PGM2L1: variants seen among roughly 807,000 people sequenced by gnomAD.
PGM2L1 encodes phosphoglucomutase 2 like 1.
In PGM2L1, 35 loss-of-function variants were observed where a neutral mutation model predicts 73.4. The ratio of observed to expected loss-of-function variants is 0.48; its 90% CI spans 0.36 to 0.63. The LOEUF (loss-of-function observed/expected upper bound fraction) is 0.63. PGM2L1 is among the 30% of genes least tolerant of loss of function. The pLI, the probability that PGM2L1 is intolerant of heterozygous loss-of-function variation, is 0.00. For synonymous variants in PGM2L1, 225 were observed against 253.8 expected, an observed-to-expected ratio of 0.89 and a Z score of 1.08; for missense variants, 570 against 742.0, an observed-to-expected ratio of 0.77 and a Z score of 2.69.
At chr11:74,396,963 T>C (rs2134962027) in intron 1 of PGM2L1, among the ~76,000 whole-genome samples, 1 of 152,336 alleles carries the variant, frequency 6.6e-6, no homozygotes, top group Non-Finnish European at 1.5e-5. Flanking sequence ...ACCCTTTCTA[T>C]TTTCCTCACA....
At chr11:74,390,733 T>A (rs1183986721) in intron 1 of PGM2L1, among the ~76,000 whole-genome samples, 1 of 152,204 alleles carries the variant, frequency 6.6e-6, no homozygotes, top group Non-Finnish European at 1.5e-5. Flanking sequence ...CAAAGTGCAA[T>A]AAGCCCAAAC....
intron 9 of PGM2L1, among the ~76,000 whole-genome samples, chr11:74,345,020 C>T (rs1166092160): frequency 6.6e-6 from 1 of 152,072 alleles, no homozygotes; most frequent in Non-Finnish European, 1.5e-5. Context: ...TGAGAGAGAG[C>T]CACTGCTTGT....
chr11:74,338,035 C>T (rs1010571260), intron 13 of PGM2L1, among the ~76,000 whole-genome samples: 2 of 152,082 alleles, frequency 1.3e-5, no homozygotes, highest in African/African-American at 2.4e-5. Flanking sequence ...AAAAGCATGG[C>T]ATAGCCATGC....
At chr11:74,375,940 T>G (rs1202164781) in intron 1 of PGM2L1, among the ~76,000 whole-genome samples, 1 of 151,986 alleles carries the variant, frequency 6.6e-6, no homozygotes, top group Non-Finnish European at 1.5e-5. Flanking sequence ...CCAAAGAGAG[T>G]TGAAGAGGGC....
At chr11:74,377,326 G>A (rs1591186814) in intron 1 of PGM2L1, among the ~76,000 whole-genome samples, 1 of 151,988 alleles carries the variant, frequency 6.6e-6, no homozygotes, top group East Asian at 1.9e-4. Context: ...GTAGAGACGA[G>A]GTTTCACCGT....
At chr11:74,364,292 T>A (rs1187744782) in intron 5 of PGM2L1, among the ~76,000 whole-genome samples, 1 of 152,208 alleles carries the variant, frequency 6.6e-6, no homozygotes, top group Non-Finnish European at 1.5e-5. Flanking sequence ...GCATTCCCTT[T>A]GAAAACTGGC....
At chr11:74,336,838 C>A in intron 13 of PGM2L1, 84 bp from the exon 14 acceptor site, 1 of 847,988 alleles carries the variant, frequency 1.2e-6, no homozygotes, top group Non-Finnish European at 1.8e-6. Context: ...TTTAAGAGGT[C>A]CTGATGGAGT....
intron 1 of PGM2L1, among the ~76,000 whole-genome samples, chr11:74,380,131 A>C (rs1862917118): frequency 1.3e-5 from 2 of 152,198 alleles, no homozygotes; most frequent in African/African-American, 4.8e-5. Flanking sequence ...TTATCTATTT[A>C]TTATTTTGCC....
At chr11:74,366,439 C>T (rs191794125) in intron 5 of PGM2L1, among the ~76,000 whole-genome samples, 1 of 134,962 alleles carries the variant, frequency 7.4e-6, no homozygotes, top group African/African-American at 2.7e-5. Flanking sequence ...GCCTGGGCAA[C>T]AGAGTGAGAC....
chr11:74,378,575 C>T (rs1862891461), intron 1 of PGM2L1, among the ~76,000 whole-genome samples: 1 of 152,078 alleles, frequency 6.6e-6, no homozygotes, highest in Non-Finnish European at 1.5e-5. Context: ...CAGAAAAAAG[C>T]CATACATTAT....
At chr11:74,353,492 A>T (rs1185917511) in intron 5 of PGM2L1, among the ~76,000 whole-genome samples, 1 of 151,632 alleles carries the variant, frequency 6.6e-6, no homozygotes, top group East Asian at 1.9e-4. Flanking sequence ...GGCCTTCCGC[A>T]GTGTTTGTGT....
chr11:74,377,976 G>A (rs1862881605), intron 1 of PGM2L1, among the ~76,000 whole-genome samples: 2 of 152,082 alleles, frequency 1.3e-5, no homozygotes, highest in African/African-American at 4.8e-5. Flanking sequence ...GAAGACAGTA[G>A]GAAAACTATT....
At chr11:74,387,436 A>G (rs1466032188) in intron 1 of PGM2L1, among the ~76,000 whole-genome samples, 1 of 152,208 alleles carries the variant, frequency 6.6e-6, no homozygotes, top group Non-Finnish European at 1.5e-5. Context: ...TCTAGTAAGT[A>G]CCATGTCTGG....
rs1333739521 is a variant in PGM2L1, at chr11:74,334,712, TAATCAGTTCA to T, written c.*1930_*1939del. The T allele has an allele frequency of 1.3e-5, 2 of 152,228 alleles. No homozygotes were observed. Among genetic ancestry groups the T allele is most frequent in the Non-Finnish European group, 2.9e-5 (2 of 68,024 alleles). 9.4% of individuals were successfully genotyped at this position (152,228 alleles called of 1,614,324 possible). On this transcript the variant is annotated 3_prime_UTR_variant, in exon 14 of 14. Transcript: ENST00000298198. ...CGAAACCATGATTTAAGGAACATTC[TAATCAGTTCA>T]AACTTTATATTATTATTTTATATGA... is the stretch of plus-strand genomic sequence containing the variant.
chr11:74,338,364 T>C (rs1043442934), intron 13 of PGM2L1, 104 bp downstream of exon 13: 1 of 1,120,462 alleles, frequency 8.9e-7, no homozygotes, highest in Non-Finnish European at 1.2e-6. Flanking sequence ...TTGAACATAC[T>C]AAAAGCCACT....
At chr11:74,381,695 TG>T (rs1338555749) in intron 1 of PGM2L1, among the ~76,000 whole-genome samples, 1 of 150,392 alleles carries the variant, frequency 6.6e-6, no homozygotes. Context: ...CCTCCTGCCT[TG>T]GCCTCCCCAA....
chr11:74,374,292 C>T (rs563300270), intron 2 of PGM2L1, 123 bp downstream of exon 2: 43 of 755,500 alleles, frequency 5.7e-5, no homozygotes, highest in Non-Finnish European at 7.8e-5. Flanking sequence ...CCATGTTGGC[C>T]AGGATGATCT....
At chr11:74,367,530 T>C (rs1338938642) in intron 5 of PGM2L1, among the ~76,000 whole-genome samples, 1 of 152,212 alleles carries the variant, frequency 6.6e-6, no homozygotes, top group Non-Finnish European at 1.5e-5. Flanking sequence ...GCTTCTCTTC[T>C]TCCCTTCCTT....
chr11:74,380,677 T>A (rs1300070130), intron 1 of PGM2L1, among the ~76,000 whole-genome samples: 1 of 152,236 alleles, frequency 6.6e-6, no homozygotes, highest in Non-Finnish European at 1.5e-5. Flanking sequence ...CTATCTTTTT[T>A]TAAAAAAACT....
Sources: gnomAD v4.1 joint callset for allele counts (sites outside exome capture counted in the v4.1 genomes callset) on GRCh38, gnomAD v4.1.1 for gene constraint, MANE v1.5 for transcripts, NCBI Gene and HGNC (gene_info 2026-07-23, HGNC 2026-07-21) for gene names.